RASA1: variants seen among roughly 807,000 people sequenced by gnomAD.
RASA1 encodes the protein RAS p21 protein activator 1.
In RASA1, 25 loss-of-function variants were observed where a neutral mutation model predicts 132.2. The ratio of observed to expected loss-of-function variants is 0.19; its 90% CI spans 0.14 to 0.26. RASA1 has a LOEUF of 0.26. Among genes scored for constraint, RASA1 ranks in the 10% least tolerant of loss-of-function variants. The pLI, the probability that RASA1 is intolerant of heterozygous loss-of-function variation, is 1.00. For synonymous variants in RASA1, 477 were observed against 449.9 expected, an observed-to-expected ratio of 1.06 and a Z score of -0.76; for missense variants, 964 against 1,299.2, an observed-to-expected ratio of 0.74 and a Z score of 3.97.
rs61406373 is a variant in RASA1, at chr5:87,339,231, T to C, written c.1017+1140T>C. Reference sequence around the variant, plus strand: ...ATTCTGGCAACCAAATCTTGATCCATAGAAGTAAAACATACTGAGTAGAGG... The same window carrying C: ...ATTCTGGCAACCAAATCTTGATCCACAGAAGTAAAACATACTGAGTAGAGG... On this transcript the variant is annotated intron_variant, in intron 5 of 24. Coordinates refer to ENST00000274376, the MANE Select transcript of RASA1 (RefSeq NM_002890.3). Among the ~76,000 whole-genome samples the C allele has an allele frequency of 3.4e-3, 522 of 152,230 alleles. 6 individuals are homozygous for C. The highest frequency in any genetic ancestry group is 8.5e-3 in the East Asian group (44 of 5,180).
chr5:87,386,363 C>T (rs1762062225), intron 22 of RASA1, among the ~76,000 whole-genome samples: 1 of 152,044 alleles, frequency 6.6e-6, no homozygotes, highest in Non-Finnish European at 1.5e-5. Context: ...TCATCTGAAT[C>T]TTTGAGGCAG....
At chr5:87,329,495 C>T (rs1757460046) in intron 1 of RASA1, among the ~76,000 whole-genome samples, 1 of 151,942 alleles carries the variant, frequency 6.6e-6, no homozygotes, top group Non-Finnish European at 1.5e-5. Context: ...ATATATATTA[C>T]TTAAAATCAT....
intron 1 of RASA1, among the ~76,000 whole-genome samples, chr5:87,275,963 T>C (rs1754045805): frequency 6.6e-6 from 1 of 152,186 alleles, no homozygotes; most frequent in Non-Finnish European, 1.5e-5. Context: ...TCTGTGTTCC[T>C]CATCCTTGCT....
chr5:87,356,565 G>A (rs1425294609), intron 9 of RASA1, among the ~76,000 whole-genome samples: 1 of 151,930 alleles, frequency 6.6e-6, no homozygotes, highest in Non-Finnish European at 1.5e-5. Flanking sequence ...AATATTTTTT[G>A]TAGAGATAGA....
intron 1 of RASA1, among the ~76,000 whole-genome samples, chr5:87,327,386 T>C (rs1237350294): frequency 6.6e-6 from 1 of 152,238 alleles, no homozygotes; most frequent in Non-Finnish European, 1.5e-5. Flanking sequence ...TACAAGTCAT[T>C]AATTTTATTC....
Position 87,333,074 on chromosome 5 carries a change from G to A in RASA1, c.829-193G>A, listed in dbSNP as rs2271235. 0.42 allele frequency among the ~76,000 whole-genome samples: 63,687 copies of A among 151,806 alleles called. 13,340 individuals carry two copies. The highest frequency in any genetic ancestry group is 0.49 in the Middle Eastern group (144 of 294). ...AGCATACTGCTTATATTTAAAATAT[G>A]ATTTTCATAAAAACAGGAACAACAA... is the stretch of plus-strand genomic sequence containing the variant. On this transcript the variant is annotated intron_variant, in intron 3 of 24. Coordinates refer to ENST00000274376, the MANE Select transcript of RASA1 (RefSeq NM_002890.3).
At chr5:87,272,018 G>C (rs1002946995) in intron 1 of RASA1, among the ~76,000 whole-genome samples, 3 of 151,782 alleles carry the variant, frequency 2.0e-5, no homozygotes, top group Non-Finnish European at 4.4e-5. Flanking sequence ...CGGTCGTGTT[G>C]GCGGGCGCCT....
chr5:87,384,317 C>A (rs1055665473), intron 21 of RASA1, among the ~76,000 whole-genome samples: 2 of 152,042 alleles, frequency 1.3e-5, no homozygotes, highest in South Asian at 4.1e-4. Flanking sequence ...CCCATATATC[C>A]ATTTTGAGAT....
chr5:87,277,816 C>T (rs1415778422), intron 1 of RASA1, among the ~76,000 whole-genome samples: 2 of 152,136 alleles, frequency 1.3e-5, no homozygotes, highest in East Asian at 3.9e-4. Flanking sequence ...TTACCTCTTT[C>T]TTTGTTAGTC....
chr5:87,310,067 AG>A (rs919989127), intron 1 of RASA1, among the ~76,000 whole-genome samples: 2 of 152,154 alleles, frequency 1.3e-5, no homozygotes, highest in Admixed American at 1.3e-4. Context: ...TTTTGACTAC[AG>A]GAAAGACTTC....
intron 1 of RASA1, among the ~76,000 whole-genome samples, chr5:87,328,284 T>G (rs942163602): frequency 6.6e-6 from 1 of 151,416 alleles, no homozygotes; most frequent in African/African-American, 2.4e-5. Context: ...ATGATTCTTA[T>G]GCTTATGTTT....
rs1425668686 is a variant in RASA1, at chr5:87,268,862, G to GC, written c.416dup (p.Pro140SerfsTer18). The GC allele has an allele frequency of 6.2e-7, 1 of 1,613,700 alleles. No individual in the cohort carries two copies. Among genetic ancestry groups the GC allele is most frequent in the Non-Finnish European group, 8.5e-7 (1 of 1,180,020 alleles). On this transcript the variant is annotated frameshift_variant, in exon 1 of 25. Coordinates refer to ENST00000274376, the MANE Select transcript of RASA1 (RefSeq NM_002890.3). LOFTEE classifies it high-confidence loss of function. ...GGCCAGGCGGCGGTTTTCCCCCTCTGCCCCCTCCCCCTTACCTGCCCCCTT... is the reference window on the plus strand; with the variant it reads ...GGCCAGGCGGCGGTTTTCCCCCTCTGCCCCCCTCCCCCTTACCTGCCCCCTT...
intron 1 of RASA1, among the ~76,000 whole-genome samples, chr5:87,328,395 G>C (rs559085018): frequency 2.0e-5 from 3 of 152,068 alleles, no homozygotes; most frequent in Non-Finnish European, 4.4e-5. Flanking sequence ...GGCTTTGACT[G>C]TGAAGACTTA....
intron 13 of RASA1, 58 bp downstream of exon 13, chr5:87,372,253 TTTTTA>T (rs1761003125): frequency 2.2e-5 from 32 of 1,485,890 alleles, no homozygotes; most frequent in Middle Eastern, 1.7e-4. Context: ...CACTTTGCTC[TTTTTA>T]TTTTATTTTT....
chr5:87,268,782 A>G lies in RASA1; in HGVS notation c.331A>G (p.Ser111Gly), dbSNP rs769128098. The G allele has an allele frequency of 1.9e-6, 3 of 1,613,778 alleles. No homozygotes were observed. Among genetic ancestry groups the G allele is most frequent in the African/African-American group, 2.7e-5 (2 of 74,922 alleles). Residue 111 changes from serine (S) to glycine (G), a missense_variant, in exon 1 of 25, where the codon AGT (serine) becomes GGT (glycine). Transcript: ENST00000274376. ...GGCCGGTGCTGCTGTTGCTGGACCTAGTGGAGACATGGCTCTCACCAAACT... is the reference window on the plus strand; with the variant it reads ...GGCCGGTGCTGCTGTTGCTGGACCTGGTGGAGACATGGCTCTCACCAAACT... ...GVAGAAVAGP[S>G]GDMALTKLPT...
At chr5:87,330,382 AC>A (rs1254285417) in intron 1 of RASA1, among the ~76,000 whole-genome samples, 2 of 152,170 alleles carry the variant, frequency 1.3e-5, no homozygotes, top group East Asian at 1.9e-4. Context: ...AAGCTGAAGT[AC>A]TATATTATGT....
intron 8 of RASA1, among the ~76,000 whole-genome samples, 180 bp downstream of exon 8, chr5:87,349,544 C>T (rs1263215938): frequency 1.3e-5 from 2 of 151,798 alleles, no homozygotes; most frequent in African/African-American, 4.8e-5. Context: ...AATATGAATA[C>T]AAATTAGTAA....
chr5:87,331,331 C>T lies in RASA1; in HGVS notation c.540-17C>T. 1 of 1,583,732 alleles carries T rather than the reference C, an allele frequency of 6.3e-7. No homozygotes were observed. Among genetic ancestry groups the T allele is most frequent in the South Asian group, 1.1e-5 (1 of 90,404 alleles). On this transcript the variant is annotated splice_polypyrimidine_tract_variant and intron_variant, in intron 1 of 24. Coordinates refer to ENST00000274376, the MANE Select transcript of RASA1 (RefSeq NM_002890.3). Reference sequence around the variant, plus strand: ...CTTGCTATTTATATTGTAATATCTTCTCTGTTTTTCCCCTAGGTGGTATCA... The same window carrying T: ...CTTGCTATTTATATTGTAATATCTTTTCTGTTTTTCCCCTAGGTGGTATCA...
intron 1 of RASA1, among the ~76,000 whole-genome samples, chr5:87,287,758 A>T (rs1385230508): frequency 7.2e-6 from 1 of 139,556 alleles, no homozygotes. Context: ...ACCATTATGT[A>T]CACGCCATAG....
Sources: allele counts gnomAD v4.1 joint callset (sites outside exome capture counted in the v4.1 genomes callset), GRCh38; gene constraint gnomAD v4.1.1; transcripts MANE v1.5; gene names NCBI Gene and HGNC (gene_info 2026-07-23, HGNC 2026-07-21).